The following CUEDC1 variants were observed in gnomAD, a reference collection of about 807,000 sequenced individuals.
CUEDC1 encodes the protein CUE domain containing 1.
A neutral mutation model predicts 43.7 loss-of-function variants in CUEDC1; 30 were observed. That is an observed-to-expected ratio of 0.69 (90% confidence interval 0.51 to 0.93). The LOEUF is 0.93. Ranked by LOEUF, CUEDC1 falls within the 40% of genes least tolerant of loss-of-function variation. The pLI is 0.00. For missense variants in CUEDC1, 486 were observed against 549.0 expected (o/e 0.89, Z 1.15); for synonymous variants, 223 against 223.6 (o/e 1.00, Z 0.02).
intron 1 of CUEDC1, among the ~76,000 whole-genome samples, chr17:57,909,261 C>A (rs1304037350): frequency 6.6e-6 from 1 of 152,114 alleles, no homozygotes; most frequent in Non-Finnish European, 1.5e-5. Context: ...TCCCAAAGTG[C>A]TGGGATTACA....
chr17:57,932,281 C>CAAAAAAAAAAAAAAA lies in CUEDC1; in HGVS notation c.-316+22929_-316+22943dup, dbSNP rs56137797. Among the ~76,000 whole-genome samples the CAAAAAAAAAAAAAAA allele has an allele frequency of 3.3e-4, 40 of 121,956 alleles. 2 individuals are homozygous for CAAAAAAAAAAAAAAA. The highest frequency in any genetic ancestry group is 1.5e-3 in the African/African-American group (33 of 22,510). 80.0% of individuals were successfully genotyped at this position (121,956 alleles called of 152,430 possible). ...TGGGCAACAAAGTGACACTGTGTCT[C>CAAAAAAAAAAAAAAA]AAAAAAAAAAAAAAAAAAAAAAGGC... On this transcript the variant is annotated intron_variant, in intron 1 of 10. Coordinates refer to ENST00000577830, the MANE Select transcript of CUEDC1 (RefSeq NM_001271875.2).
At chr17:57,894,063 A>G (rs752715517) in intron 1 of CUEDC1, among the ~76,000 whole-genome samples, 3 of 152,226 alleles carry the variant, frequency 2.0e-5, no homozygotes, top group Non-Finnish European at 4.4e-5. Context: ...ACTGCACTCC[A>G]GCCTGGGTGA....
At chr17:57,871,233 G>A (rs761941333) in intron 6 of CUEDC1, 53 bp downstream of exon 6, 29 of 1,377,542 alleles carry the variant, frequency 2.1e-5, no homozygotes, top group Non-Finnish European at 2.7e-5. Flanking sequence ...GCAAAGTTGG[G>A]TGTGAGCTCC....
At chr17:57,879,216 C>G (rs996367922) in intron 3 of CUEDC1, among the ~76,000 whole-genome samples, 2 of 152,136 alleles carry the variant, frequency 1.3e-5, no homozygotes, top group African/African-American at 4.8e-5. Flanking sequence ...CTTGACTCAG[C>G]AGGAAAGAGC....
Position 57,871,294 on chromosome 17 carries a change from GGAGAGGAA to G in CUEDC1, c.852_859del (p.Ser285CysfsTer13). On this transcript the variant is annotated frameshift_variant, in exon 6 of 11. Transcript: ENST00000577830. LOFTEE classifies it high-confidence loss of function. ...CCAGAAGGCAAAGTTACCTGGGACA[GGAGAGGAA>G]AAGCCAAAGTCGTTTCCGACAGCCA... 2 of 1,613,434 alleles carry G rather than the reference GGAGAGGAA, an allele frequency of 1.2e-6. No individual in the cohort carries two copies. Among genetic ancestry groups the G allele is most frequent in the Non-Finnish European group, 1.7e-6 (2 of 1,179,364 alleles).
chr17:57,867,385 G>C lies in CUEDC1; in HGVS notation c.1065C>G (p.Leu355=), dbSNP rs1440112202. ...SLGAAASTAN[L]LDDVEGHACD... The stretch of plus-strand genomic sequence containing the variant: ...ACGCGTGGCCCTCCACATCATCCAG[G>C]AGGTTGGCTGTTGACGCGGCAGCCC... The change falls in exon 9 of 11, where the codon CTC becomes CTG. Residue 355 remains leucine, a synonymous_variant. Coordinates refer to ENST00000577830, the MANE Select transcript of CUEDC1 (RefSeq NM_001271875.2). 1.3e-6 allele frequency: 2 copies of C among 1,552,552 alleles called. No individual in the cohort carries two copies. Among genetic ancestry groups the C allele is most frequent in the East Asian group, 2.4e-5 (1 of 41,010 alleles).
intron 1 of CUEDC1, among the ~76,000 whole-genome samples, chr17:57,893,905 C>A (rs537807755): frequency 6.6e-6 from 1 of 152,178 alleles, no homozygotes; most frequent in Admixed American, 6.5e-5. Flanking sequence ...ACCAGCCTGG[C>A]CAAAATGGTG....
At chr17:57,865,615 T>C (rs553048800) in intron 10 of CUEDC1, among the ~76,000 whole-genome samples, 1 of 152,094 alleles carries the variant, frequency 6.6e-6, no homozygotes, top group South Asian at 2.1e-4. Context: ...GAGGAGGCCT[T>C]GGTATTTTCT....
intron 1 of CUEDC1, among the ~76,000 whole-genome samples, chr17:57,903,761 AC>A (rs2074498660): frequency 6.6e-6 from 1 of 151,666 alleles, no homozygotes; most frequent in Non-Finnish European, 1.5e-5. Context: ...CAACATAGAG[AC>A]CCTTTCTCTA....
chr17:57,869,177 G>A lies in CUEDC1; in HGVS notation c.885C>T (p.Asn295=), dbSNP rs751542943. 25 of 1,613,996 alleles carry A rather than the reference G, an allele frequency of 1.5e-5. No homozygotes were observed. The South Asian group carries it at 2.7e-4, about 18-fold the overall frequency. ...SSPVPGTGDA[N]PAVSEDALFR... ...ATAAGGCATCTTCAGACACAGCGGG[G>A]TTGGCGTCGCCAGTTCCTGGAAGGA... Residue 295 remains asparagine (N), a synonymous_variant, in exon 7 of 11, where the codon AAC becomes AAT. Transcript: ENST00000577830.
intron 1 of CUEDC1, among the ~76,000 whole-genome samples, chr17:57,928,977 A>T (rs978049383): frequency 1.3e-5 from 2 of 151,758 alleles, no homozygotes; most frequent in East Asian, 3.8e-4. Flanking sequence ...TCATTACGGC[A>T]GCCCCAAACT....
chr17:57,939,693 T>C (rs1237677029), intron 1 of CUEDC1, among the ~76,000 whole-genome samples: 1 of 152,146 alleles, frequency 6.6e-6, no homozygotes, highest in African/African-American at 2.4e-5. Context: ...CATGCCCTCC[T>C]GGCCCCAGCT....
At chr17:57,867,539 C>A in intron 8 of CUEDC1, 124 bp from the exon 9 acceptor site, 2 of 834,380 alleles carry the variant, frequency 2.4e-6, no homozygotes, top group East Asian at 5.3e-5. Flanking sequence ...CCACCTGACC[C>A]CCCACACCCT....
chr17:57,897,332 G>A (rs551592389), intron 1 of CUEDC1, among the ~76,000 whole-genome samples: 2 of 152,110 alleles, frequency 1.3e-5, no homozygotes, highest in African/African-American at 2.4e-5. Flanking sequence ...GTCTGGCCCC[G>A]GAGTCCATGA....
Position 57,871,409 on chromosome 17 carries a change from C to G in CUEDC1, c.785-40G>C, listed in dbSNP as rs750652306. On this transcript the variant is annotated intron_variant, in intron 5 of 10. Coordinates refer to ENST00000577830, the MANE Select transcript of CUEDC1 (RefSeq NM_001271875.2). Reference sequence around the variant, plus strand: ...CATTCACAGGTCAGGGAGGTTAGCTCCTGGGCTCCCAGGGGCAGGCTGGGC... The same window carrying G: ...CATTCACAGGTCAGGGAGGTTAGCTGCTGGGCTCCCAGGGGCAGGCTGGGC... 5 of 1,563,144 alleles carry G rather than the reference C, an allele frequency of 3.2e-6. No homozygotes were observed. The South Asian group carries it at 5.6e-5, about 17-fold the overall frequency.
At chr17:57,907,702 T>C (rs2074543012) in intron 1 of CUEDC1, among the ~76,000 whole-genome samples, 1 of 151,696 alleles carries the variant, frequency 6.6e-6, no homozygotes, top group South Asian at 2.1e-4. Flanking sequence ...AAAAATTAGC[T>C]GGGTGTGGAG....
At chr17:57,894,441 C>T (rs955227963) in intron 1 of CUEDC1, among the ~76,000 whole-genome samples, 16 of 152,158 alleles carry the variant, frequency 1.1e-4, no homozygotes, top group African/African-American at 3.1e-4. Flanking sequence ...GAGGCCGAGG[C>T]GGGCAGATCA....
At chr17:57,921,399 C>G (rs2074697223) in intron 1 of CUEDC1, among the ~76,000 whole-genome samples, 1 of 152,198 alleles carries the variant, frequency 6.6e-6, no homozygotes, top group Admixed American at 6.5e-5. Flanking sequence ...TTCACCCTCA[C>G]TCATTCCATT....
chr17:57,891,440 C>G (rs1184275175), intron 1 of CUEDC1, among the ~76,000 whole-genome samples: 1 of 152,206 alleles, frequency 6.6e-6, no homozygotes, highest in Non-Finnish European at 1.5e-5. Context: ...ACCTCCACAG[C>G]TACCATACCC....
Sources: allele counts gnomAD v4.1 joint callset (sites outside exome capture counted in the v4.1 genomes callset), GRCh38; gene constraint gnomAD v4.1.1; transcripts MANE v1.5; gene names NCBI Gene and HGNC (gene_info 2026-07-23, HGNC 2026-07-21).